Variants in MECOM observed in about 807,000 individuals in gnomAD.
The protein encoded by MECOM is histone-lysine N-methyltransferase MECOM.
MECOM carries 13 observed loss-of-function variants against 116.3 expected under a neutral mutation model. The observed-to-expected ratio is 0.11, with a 90% CI of 0.07 to 0.18. The LOEUF (loss-of-function observed/expected upper bound fraction) is 0.18, where lower values mean the gene tolerates loss of function less well. Among genes scored for constraint, MECOM ranks in the 10% least tolerant of loss-of-function variants. MECOM has a pLI of 1.00. For missense variants in MECOM, 1,299 were observed against 1,509.0 expected, an observed-to-expected ratio of 0.86 and a Z score of 2.31; for synonymous variants, 528 against 535.2, an observed-to-expected ratio of 0.99 and a Z score of 0.19.
chr3:169,404,209 A>T (rs1736304754), intron 1 of MECOM, among the ~76,000 whole-genome samples: 1 of 152,198 alleles, frequency 6.6e-6, no homozygotes, highest in East Asian at 1.9e-4. Flanking sequence ...GATTAAAAAA[A>T]ATAGTTTGAA....
intron 1 of MECOM, among the ~76,000 whole-genome samples, chr3:169,459,413 A>G (rs1446240110): frequency 1.3e-5 from 2 of 152,236 alleles, no homozygotes; most frequent in African/African-American, 4.8e-5. Context: ...TCACTGGTTC[A>G]TGTTAATTTG....
intron 1 of MECOM, among the ~76,000 whole-genome samples, chr3:169,534,380 G>C (rs1452185083): frequency 6.6e-6 from 1 of 152,066 alleles, no homozygotes; most frequent in Non-Finnish European, 1.5e-5. Flanking sequence ...TAACCCCCTG[G>C]ATAAAGCACC....
chr3:169,428,587 T>C (rs1313742743), intron 1 of MECOM, among the ~76,000 whole-genome samples: 1 of 152,220 alleles, frequency 6.6e-6, no homozygotes, highest in East Asian at 1.9e-4. Context: ...CAGTCTATGG[T>C]ATTTTGTTAT....
chr3:169,554,938 T>A (rs1761857171), intron 1 of MECOM, among the ~76,000 whole-genome samples: 1 of 152,204 alleles, frequency 6.6e-6, no homozygotes, highest in Non-Finnish European at 1.5e-5. Context: ...CTTGAACAAG[T>A]ATGCAAGTCA....
In MECOM at chr3:169,539,212, T is replaced by C. The variant is rs144549054; in HGVS notation, c.37+124124A>G. On this transcript the variant is annotated intron_variant, in intron 1 of 16. Coordinates refer to ENST00000651503, the MANE Select transcript of MECOM (RefSeq NM_004991.4). ...CCATGGTGGATTTGTTGAGTAATCT[T>C]CACTCAAATCAACCCAAATTCTGAT... Among the ~76,000 whole-genome samples the C allele has an allele frequency of 2.2e-4, 34 of 152,312 alleles. No homozygotes were observed. In the East Asian group the frequency reaches 6.0e-3, roughly 27 times the overall value.
chr3:169,653,445 A>C (rs560467649), intron 1 of MECOM, among the ~76,000 whole-genome samples: 59 of 152,230 alleles, frequency 3.9e-4, no homozygotes, highest in Non-Finnish European at 7.5e-4. Flanking sequence ...ATACTATTGG[A>C]ATGAAATAAC....
intron 1 of MECOM, among the ~76,000 whole-genome samples, chr3:169,534,066 G>C (rs969014254): frequency 6.6e-6 from 1 of 152,180 alleles, no homozygotes; most frequent in African/African-American, 2.4e-5. Flanking sequence ...TTCTACCAGA[G>C]ATACCTAGAG....
At chr3:169,607,792 T>C (rs1768779264) in intron 1 of MECOM, among the ~76,000 whole-genome samples, 1 of 152,220 alleles carries the variant, frequency 6.6e-6, no homozygotes. Context: ...ACTCGTAGAA[T>C]AAAAATTTAC....
intron 1 of MECOM, among the ~76,000 whole-genome samples, chr3:169,515,950 G>A (rs1217745733): frequency 6.6e-6 from 1 of 151,984 alleles, no homozygotes; most frequent in Non-Finnish European, 1.5e-5. Flanking sequence ...AAACATTATG[G>A]ACAAGCTCTA....
intron 2 of MECOM, among the ~76,000 whole-genome samples, chr3:169,218,463 A>C (rs963543081): frequency 6.6e-6 from 1 of 152,168 alleles, no homozygotes; most frequent in Non-Finnish European, 1.5e-5. Context: ...TTTACAAGGA[A>C]AAACAGGAAG....
intron 1 of MECOM, among the ~76,000 whole-genome samples, chr3:169,547,874 G>T (rs530229590): frequency 6.6e-6 from 1 of 152,056 alleles, no homozygotes; most frequent in African/African-American, 2.4e-5. Context: ...GCCAAGGGTT[G>T]CCAGCAGCCA....
intron 12 of MECOM, among the ~76,000 whole-genome samples, chr3:169,100,017 C>T (rs557632852): frequency 2.0e-5 from 3 of 151,674 alleles, no homozygotes; most frequent in African/African-American, 7.3e-5. Flanking sequence ...TTTTATCTGT[C>T]CTACCTCTAG....
chr3:169,321,735 A>G (rs1274758233), intron 2 of MECOM, among the ~76,000 whole-genome samples: 1 of 152,138 alleles, frequency 6.6e-6, no homozygotes, highest in Non-Finnish European at 1.5e-5. Context: ...TTAACACTTA[A>G]GGGAGGAGGT....
intron 1 of MECOM, among the ~76,000 whole-genome samples, chr3:169,420,726 G>T (rs1350952723): frequency 6.6e-6 from 1 of 151,962 alleles, no homozygotes; most frequent in Non-Finnish European, 1.5e-5. Flanking sequence ...CAAAAATGAA[G>T]AACTGAATTT....
intron 2 of MECOM, among the ~76,000 whole-genome samples, chr3:169,170,885 C>T (rs1744306661): frequency 6.6e-6 from 1 of 152,144 alleles, no homozygotes; most frequent in African/African-American, 2.4e-5. Context: ...ATTTGATTCT[C>T]AATTTTGAAT....
intron 2 of MECOM, among the ~76,000 whole-genome samples, chr3:169,307,096 T>C (rs1717857671): frequency 6.6e-6 from 1 of 152,224 alleles, no homozygotes; most frequent in African/African-American, 2.4e-5. Context: ...TGATATTTCA[T>C]ATCATTGGGC....
At chr3:169,297,238 C>T (rs1715789476) in intron 2 of MECOM, among the ~76,000 whole-genome samples, 1 of 152,168 alleles carries the variant, frequency 6.6e-6, no homozygotes, top group Non-Finnish European at 1.5e-5. Flanking sequence ...ATTAGCCTTC[C>T]TCCTTTGGTT....
At chr3:169,413,582 T>C (rs554378176) in intron 1 of MECOM, among the ~76,000 whole-genome samples, 1 of 150,314 alleles carries the variant, frequency 6.7e-6, no homozygotes, top group East Asian at 2.0e-4. Flanking sequence ...GGGAGCCAGG[T>C]GGTCTTGCTC....
chr3:169,325,217 G>A (rs566774239), intron 2 of MECOM, among the ~76,000 whole-genome samples: 6 of 152,190 alleles, frequency 3.9e-5, no homozygotes, highest in Middle Eastern at 3.4e-3. Flanking sequence ...TTTTGCTTTC[G>A]GACAGTCACT....
Sources: allele counts gnomAD v4.1 joint callset (sites outside exome capture counted in the v4.1 genomes callset), GRCh38; gene constraint gnomAD v4.1.1; transcripts MANE v1.5; gene names NCBI Gene and HGNC (gene_info 2026-07-23, HGNC 2026-07-21).